Variants in CRYBG1 observed in about 807,000 individuals in gnomAD.
CRYBG1 encodes the protein beta/gamma crystallin domain-containing protein 1.
A neutral mutation model predicts 189.2 loss-of-function variants in CRYBG1; 139 were observed. The observed-to-expected ratio is 0.73, with a 90% CI of 0.64 to 0.85. The LOEUF is 0.85. Among genes scored for constraint, CRYBG1 ranks in the 40% least tolerant of loss-of-function variants. The pLI is 0.00. For missense variants in CRYBG1, 2,611 were observed against 2,675.8 expected (o/e 0.98, Z 0.53); for synonymous variants, 1,023 against 1,017.1 (o/e 1.01, Z -0.11).
chr6:106,564,321 A>AGC (rs1190409975), intron 21 of CRYBG1, among the ~76,000 whole-genome samples: 2 of 152,234 alleles, frequency 1.3e-5, no homozygotes, highest in African/African-American at 4.8e-5. Context: ...AAAAATCACA[A>AGC]GCTGAAAGGC....
At chr6:106,421,634 G>A (rs961084923) in intron 1 of CRYBG1, among the ~76,000 whole-genome samples, 2 of 152,094 alleles carry the variant, frequency 1.3e-5, no homozygotes, top group African/African-American at 4.8e-5. Context: ...ACTCAGTCTT[G>A]TCCTGTTAAT....
At chr6:106,404,979 C>G (rs941713364) in intron 1 of CRYBG1, among the ~76,000 whole-genome samples, 7 of 151,952 alleles carry the variant, frequency 4.6e-5, no homozygotes, top group South Asian at 2.1e-4. Context: ...ACCAAGCTAG[C>G]CGCAGTTTTT....
intron 1 of CRYBG1, among the ~76,000 whole-genome samples, chr6:106,398,233 G>A (rs549917010): frequency 4.9e-4 from 75 of 151,956 alleles, no homozygotes; most frequent in South Asian, 1.0e-3. Context: ...CCAGCAAACC[G>A]GCCAGGTACG....
intron 1 of CRYBG1, among the ~76,000 whole-genome samples, chr6:106,387,881 C>T (rs1247669153): frequency 6.6e-6 from 1 of 152,178 alleles, no homozygotes; most frequent in Non-Finnish European, 1.5e-5. Flanking sequence ...GAACGTCACT[C>T]GTGAATTCTC....
chr6:106,476,562 A>G (rs1308382285), intron 2 of CRYBG1, among the ~76,000 whole-genome samples: 1 of 152,182 alleles, frequency 6.6e-6, no homozygotes, highest in Admixed American at 6.5e-5. Flanking sequence ...AGGCTTATCT[A>G]TGATTAATTG....
chr6:106,499,668 T>C (rs949784880), intron 2 of CRYBG1, among the ~76,000 whole-genome samples: 1 of 152,172 alleles, frequency 6.6e-6, no homozygotes, highest in African/African-American at 2.4e-5. Context: ...GATACTTATT[T>C]TTTGTAATGA....
intron 20 of CRYBG1, 26 bp from the exon 21 acceptor site, chr6:106,563,738 G>T: frequency 6.3e-7 from 1 of 1,580,008 alleles, no homozygotes; most frequent in South Asian, 1.1e-5. Context: ...ACATATTTAA[G>T]ATATCTGGTC....
At chr6:106,561,937 C>G (rs929705461) in intron 20 of CRYBG1, among the ~76,000 whole-genome samples, 1 of 152,078 alleles carries the variant, frequency 6.6e-6, no homozygotes, top group Admixed American at 6.5e-5. Flanking sequence ...AAGTGTCATA[C>G]GTTGTAAATT....
intron 2 of CRYBG1, among the ~76,000 whole-genome samples, chr6:106,464,464 G>C (rs1399903788): frequency 6.8e-6 from 1 of 147,076 alleles, no homozygotes; most frequent in East Asian, 2.0e-4. Flanking sequence ...CTGCATTTCA[G>C]CCTGGGCGAC....
At chr6:106,399,478 C>T (rs1770678260) in intron 1 of CRYBG1, among the ~76,000 whole-genome samples, 1 of 152,026 alleles carries the variant, frequency 6.6e-6, no homozygotes, top group Non-Finnish European at 1.5e-5. Flanking sequence ...GTTGAACTTG[C>T]CAAGAATATC....
chr6:106,511,546 A>C lies in CRYBG1; in HGVS notation c.429A>C (p.Arg143Ser). The C allele has an allele frequency of 6.5e-7, 1 of 1,535,826 alleles. No individual in the cohort carries two copies. Among genetic ancestry groups the C allele is most frequent in the Non-Finnish European group, 8.7e-7 (1 of 1,146,670 alleles). ...GAAACGGGTTAGAGAGTCCCACCAG[A>C]TCAAATGCCAAACCACTCTCTCCCA... is the stretch of plus-strand genomic sequence containing the variant. ...NSRNGLESPT[R>S]SNAKPLSPKD... Residue 143 changes from arginine (R) to serine (S), a missense_variant, in exon 3 of 22, where the codon AGA (arginine) becomes AGC (serine). Physicochemically the swap from Arg to Ser is moderately radical, Grantham distance 110. This residue lies in a region of CRYBG1 where 985 missense variants were observed against 924.4 expected (regional missense o/e 1.07). Transcript: ENST00000633556.
intron 8 of CRYBG1, among the ~76,000 whole-genome samples, chr6:106,535,522 C>T (rs1460107403): frequency 6.6e-6 from 1 of 152,088 alleles, no homozygotes; most frequent in Non-Finnish European, 1.5e-5. Flanking sequence ...ATGGTATTCC[C>T]CTGCATAAGT....
In CRYBG1 at chr6:106,471,145, G is replaced by A. The variant is rs377499666; in HGVS notation, c.312+19313G>A. On this transcript the variant is annotated intron_variant, in intron 2 of 21. Transcript: ENST00000633556. ...ACTGTGGAGCTCAATGAGGAGGATGGCATGGTGAAATGGAAGGGAAATTCA... is the reference window on the plus strand; with the variant it reads ...ACTGTGGAGCTCAATGAGGAGGATGACATGGTGAAATGGAAGGGAAATTCA... Among the ~76,000 whole-genome samples the A allele has an allele frequency of 2.0e-4, 30 of 152,290 alleles. No individual in the cohort carries two copies. In the South Asian group the frequency reaches 5.6e-3, roughly 28 times the overall value.
chr6:106,379,454 G>A lies in CRYBG1; in HGVS notation c.173+18373G>A, dbSNP rs181826090. Reference sequence around the variant, plus strand: ...TTTTTTGTATTTTTAGTAGAGACGGGGTTTCACCGGGTTAGCCAGGATGGT... The same window carrying A: ...TTTTTTGTATTTTTAGTAGAGACGGAGTTTCACCGGGTTAGCCAGGATGGT... On this transcript the variant is annotated intron_variant, in intron 1 of 21. Transcript: ENST00000633556. Among the ~76,000 whole-genome samples the A allele has an allele frequency of 3.1e-3, 464 of 151,652 alleles. 15 individuals are homozygous for A. The East Asian group carries it at 0.06, about 19-fold the overall frequency.
intron 15 of CRYBG1, among the ~76,000 whole-genome samples, chr6:106,552,524 T>C (rs1057154946): frequency 2.2e-5 from 3 of 137,340 alleles, no homozygotes; most frequent in African/African-American, 8.4e-5. Context: ...GAGGCAGATG[T>C]TGGAGTGAGC....
intron 13 of CRYBG1, among the ~76,000 whole-genome samples, chr6:106,549,160 G>A (rs980711878): frequency 3.3e-5 from 5 of 152,022 alleles, no homozygotes; most frequent in African/African-American, 4.8e-5. Flanking sequence ...TTGATGTGCA[G>A]ACACTCCTCC....
rs1774046611 is a variant in CRYBG1, at chr6:106,538,131, T to G, written c.4719-1272T>G. Reference sequence around the variant, plus strand: ...TAGCAAAACTAACCGAATTGATGAGTGTAAGTGATCACTAAGAAGTCTATG... The same window carrying G: ...TAGCAAAACTAACCGAATTGATGAGGGTAAGTGATCACTAAGAAGTCTATG... On this transcript the variant is annotated intron_variant, in intron 8 of 21. Coordinates refer to ENST00000633556, the MANE Select transcript of CRYBG1 (RefSeq NM_001371242.2). Among the ~76,000 whole-genome samples, 5 of 150,472 alleles carry G rather than the reference T, an allele frequency of 3.3e-5. No individual in the cohort carries two copies. The South Asian group carries it at 8.5e-4, about 26-fold the overall frequency.
intron 8 of CRYBG1, among the ~76,000 whole-genome samples, chr6:106,535,434 T>A (rs1003906374): frequency 2.0e-5 from 3 of 152,230 alleles, no homozygotes; most frequent in Non-Finnish European, 4.4e-5. Flanking sequence ...TTTGTGTTAT[T>A]TTTCTGAGCA....
At chr6:106,501,746 A>G (rs1265986057) in intron 2 of CRYBG1, among the ~76,000 whole-genome samples, 2 of 152,340 alleles carry the variant, frequency 1.3e-5, no homozygotes, top group East Asian at 3.9e-4. Flanking sequence ...TGTGAAATCT[A>G]CTTCTTAATT....
Sources: gnomAD v4.1 joint callset for allele counts (sites outside exome capture counted in the v4.1 genomes callset) on GRCh38, gnomAD v4.1.1 for gene constraint, gnomAD v4.1.1 regional missense constraint, MANE v1.5 for transcripts, NCBI Gene and HGNC (gene_info 2026-07-23, HGNC 2026-07-21) for gene names.